The following GALNTL6 variants were observed in gnomAD, a reference collection of about 807,000 sequenced individuals.
The protein encoded by GALNTL6 is polypeptide N-acetylgalactosaminyltransferase like 6.
A neutral mutation model predicts 73.7 loss-of-function variants in GALNTL6; 46 were observed. That is an observed-to-expected ratio of 0.62 (90% CI 0.49 to 0.80). GALNTL6 has a LOEUF of 0.80. GALNTL6 is among the 30% of genes least tolerant of loss of function. The pLI is 0.00. For synonymous variants in GALNTL6, 259 were observed against 263.7 expected (o/e 0.98, Z 0.17); for missense variants, 604 against 755.0 (o/e 0.80, Z 2.34).
intron 8 of GALNTL6, among the ~76,000 whole-genome samples, chr4:172,884,953 G>A (rs1745642759): frequency 6.6e-6 from 1 of 152,002 alleles, no homozygotes; most frequent in Non-Finnish European, 1.5e-5. Flanking sequence ...ATTTACTTCT[G>A]GGTTCTCTAT....
At chr4:172,421,158 G>GTAAAA (rs1322467376) in intron 5 of GALNTL6, among the ~76,000 whole-genome samples, 1 of 151,894 alleles carries the variant, frequency 6.6e-6, no homozygotes, top group Non-Finnish European at 1.5e-5. Context: ...AGAACTTAAA[G>GTAAAA]TAAAATAAAA....
At chr4:172,677,994 G>A (rs1732403694) in intron 5 of GALNTL6, among the ~76,000 whole-genome samples, 1 of 151,840 alleles carries the variant, frequency 6.6e-6, no homozygotes, top group South Asian at 2.1e-4. Flanking sequence ...AGCGTTGGTG[G>A]AAAAGAGTCA....
At chr4:172,264,905 T>C (rs1738400164) in intron 3 of GALNTL6, among the ~76,000 whole-genome samples, 1 of 151,538 alleles carries the variant, frequency 6.6e-6, no homozygotes, top group African/African-American at 2.4e-5. Flanking sequence ...TTTGTCAAAT[T>C]TATACAGTGC....
intron 7 of GALNTL6, among the ~76,000 whole-genome samples, chr4:172,855,849 T>C (rs1169368263): frequency 6.6e-6 from 1 of 152,212 alleles, no homozygotes; most frequent in Non-Finnish European, 1.5e-5. Context: ...AGTGCCTCTC[T>C]TCTTCTTTAG....
At chr4:173,024,143 G>GA (rs200912171) in intron 12 of GALNTL6, among the ~76,000 whole-genome samples, 1 of 151,820 alleles carries the variant, frequency 6.6e-6, no homozygotes, top group Non-Finnish European at 1.5e-5. Flanking sequence ...CTCCTGGGGA[G>GA]AAAAAAAACT....
intron 2 of GALNTL6, among the ~76,000 whole-genome samples, chr4:171,861,480 GT>G (rs1263344868): frequency 1.3e-5 from 2 of 152,276 alleles, no homozygotes; most frequent in South Asian, 4.1e-4. Flanking sequence ...AGTTGAGTAT[GT>G]TTTTCACTTC....
chr4:172,338,503 A>C (rs1741427089), intron 4 of GALNTL6, among the ~76,000 whole-genome samples: 1 of 151,852 alleles, frequency 6.6e-6, no homozygotes, highest in South Asian at 2.1e-4. Context: ...GTATGACTGT[A>C]GAGAATGTTG....
intron 5 of GALNTL6, among the ~76,000 whole-genome samples, chr4:172,448,850 G>A (rs1732115377): frequency 6.6e-6 from 1 of 152,140 alleles, no homozygotes; most frequent in Admixed American, 6.5e-5. Context: ...GGCAGAAATT[G>A]TTAGGAGTGA....
chr4:172,597,942 G>C (rs942922973), intron 5 of GALNTL6, among the ~76,000 whole-genome samples: 20 of 150,784 alleles, frequency 1.3e-4, no homozygotes, highest in South Asian at 4.2e-4. Flanking sequence ...TTTAAGGTAA[G>C]ATATTTGGCT....
intron 10 of GALNTL6, among the ~76,000 whole-genome samples, chr4:172,988,899 T>G (rs779244132): frequency 2.0e-5 from 3 of 152,214 alleles, no homozygotes; most frequent in Non-Finnish European, 4.4e-5. Flanking sequence ...CATCTAGATC[T>G]CAGAGAATGT....
chr4:172,642,272 C>A (rs1238435354), intron 5 of GALNTL6, among the ~76,000 whole-genome samples: 1 of 151,992 alleles, frequency 6.6e-6, no homozygotes, highest in Non-Finnish European at 1.5e-5. Context: ...GAGATATCTG[C>A]ACTTCCATAT....
intron 10 of GALNTL6, among the ~76,000 whole-genome samples, chr4:173,001,954 C>G (rs1018234941): frequency 8.5e-5 from 13 of 152,226 alleles, no homozygotes; most frequent in Non-Finnish European, 1.5e-4. Context: ...AAAACACTTT[C>G]ATGGTTCCTC....
intron 2 of GALNTL6, among the ~76,000 whole-genome samples, chr4:171,837,554 T>TATAA (rs1409833552): frequency 4.1e-5 from 6 of 147,558 alleles, no homozygotes; most frequent in Non-Finnish European, 8.9e-5. Flanking sequence ...AAAAAAAATA[T>TATAA]ATAAATACAT....
chr4:172,519,042 A>T (rs1398042538), intron 5 of GALNTL6, among the ~76,000 whole-genome samples: 21 of 151,670 alleles, frequency 1.4e-4, no homozygotes, highest in Non-Finnish European at 3.1e-4. Flanking sequence ...TCTCAGGGCC[A>T]TTCACAACTT....
intron 3 of GALNTL6, among the ~76,000 whole-genome samples, chr4:172,232,177 A>G (rs73870043): frequency 0.012 from 1,796 of 152,268 alleles, 33 homozygotes; most frequent in African/African-American, 0.04. Context: ...ATACAGGCCA[A>G]GGAAAAGGAT....
chr4:172,298,488 G>A (rs1472049559), intron 3 of GALNTL6, among the ~76,000 whole-genome samples: 4 of 152,132 alleles, frequency 2.6e-5, no homozygotes, highest in Non-Finnish European at 5.9e-5. Flanking sequence ...TTGGCTCTGG[G>A]TTTGTCACAA....
At chr4:172,918,291 A>G (rs1201427030) in intron 8 of GALNTL6, among the ~76,000 whole-genome samples, 1 of 152,100 alleles carries the variant, frequency 6.6e-6, no homozygotes, top group East Asian at 1.9e-4. Context: ...AATGTAAATG[A>G]TGAGTTAATG....
At chr4:173,034,481 T>C (rs1753602881) in intron 12 of GALNTL6, among the ~76,000 whole-genome samples, 4 of 152,188 alleles carry the variant, frequency 2.6e-5, no homozygotes, top group Admixed American at 2.0e-4. Context: ...TGCTGGTCTG[T>C]GGCACAAGAC....
At chr4:171,971,986 A>T (rs1023460225) in intron 2 of GALNTL6, among the ~76,000 whole-genome samples, 3 of 152,122 alleles carry the variant, frequency 2.0e-5, no homozygotes, top group African/African-American at 7.2e-5. Context: ...TGGGCCTTCC[A>T]ACTCATGGTC....
Sources: allele counts gnomAD v4.1 joint callset (sites outside exome capture counted in the v4.1 genomes callset), GRCh38; gene constraint gnomAD v4.1.1; transcripts MANE v1.5; gene names NCBI Gene and HGNC (gene_info 2026-07-23, HGNC 2026-07-21).